Variants in NEMP2 observed in about 807,000 individuals in gnomAD.
NEMP2 encodes UPF0571 transmembrane protein.
A neutral mutation model predicts 54.2 loss-of-function variants in NEMP2; 53 were observed. The ratio of observed to expected loss-of-function variants is 0.98; its 90% confidence interval spans 0.78 to 1.23. NEMP2 has a LOEUF of 1.23. Among genes scored for constraint, NEMP2 ranks in the 50% most tolerant of loss-of-function variants. NEMP2 has a pLI of 0.00. For synonymous variants in NEMP2, 197 were observed against 190.3 expected, an observed-to-expected ratio of 1.04 and a Z score of -0.29; for missense variants, 455 against 511.3, an observed-to-expected ratio of 0.89 and a Z score of 1.06.
chr2:190,593,567 A>G, the NEMP2 span, among the ~76,000 whole-genome samples: 273 of 152,244 alleles, frequency 1.8e-3, no homozygotes, highest in African/African-American at 6.3e-3. The surrounding 1 kb of genome is among the most constrained non-coding windows in gnomAD (Gnocchi z 4.5). Context: ...TCATTTCCCA[A>G]TGGTCTGTGC....
chr2:190,438,041 A>AG, the NEMP2 span, among the ~76,000 whole-genome samples: 1 of 152,174 alleles, frequency 6.6e-6, no homozygotes, highest in South Asian at 2.1e-4. The surrounding 1 kb of genome is among the most constrained non-coding windows in gnomAD (Gnocchi z 5.2). Flanking sequence ...ATATCTAATA[A>AG]GACTGTGATG....
the NEMP2 span, among the ~76,000 whole-genome samples, chr2:190,540,890 T>C: frequency 6.6e-6 from 1 of 152,168 alleles, no homozygotes; most frequent in African/African-American, 2.4e-5. Flanking sequence ...TTTTTTATTA[T>C]GGCTTCACTC....
the NEMP2 span, among the ~76,000 whole-genome samples, chr2:190,569,909 A>C: frequency 2.0e-5 from 3 of 152,364 alleles, no homozygotes; most frequent in South Asian, 6.2e-4. Context: ...TATTTACAGC[A>C]GATTCCATTT....
In NEMP2 at chr2:190,516,323, T is replaced by G. The variant is rs1690553736; in HGVS notation, c.674A>C (p.Gln225Pro). The G allele has an allele frequency of 1.3e-6, 2 of 1,551,656 alleles. No homozygotes were observed. The highest frequency in any genetic ancestry group is 1.7e-6 in the Non-Finnish European group (2 of 1,146,942). ...CWFASVYIVCQLMEDLKWLWY... is the reference protein window; with the variant it reads ...CWFASVYIVCPLMEDLKWLWY... The stretch of plus-strand genomic sequence containing the variant: ...CAGCCACTTCAGATCTTCCATCAAC[T>G]GGCATACAATATAAACTGAGGCAAA... The change falls in exon 6 of 9, where the codon CAG (glutamine) becomes CCG (proline). Residue 225 changes from glutamine to proline, a missense_variant. Around this residue, in one of 3 missense-constraint regions of NEMP2, gnomAD observed 294 missense variants for 333.6 expected, o/e 0.88. Transcript: ENST00000409150.
chr2:190,528,736 G>A lies in NEMP2; in HGVS notation c.98-3358C>T, dbSNP rs1239942358. Among the ~76,000 whole-genome samples the A allele has an allele frequency of 6.6e-6, 1 of 152,134 alleles. No individual in the cohort carries two copies. The highest frequency in any genetic ancestry group is 1.5e-5 in the Non-Finnish European group (1 of 68,020). On this transcript the variant is annotated intron_variant, in intron 1 of 8. Coordinates refer to ENST00000409150, the MANE Select transcript of NEMP2 (RefSeq NM_001142645.2). The surrounding 1 kb of genome is among the most constrained non-coding windows in gnomAD (Gnocchi z 4.3). The stretch of plus-strand genomic sequence containing the variant: ...TAATGGTCTGAGGAAATAACCTTTT[G>A]GTGGGGCCTGAGTTTTGCAATCAAA...
chr2:190,582,328 G>A, the NEMP2 span, among the ~76,000 whole-genome samples: 68 of 152,240 alleles, frequency 4.5e-4, 1 homozygote, highest in African/African-American at 1.6e-3. This position sits in a 1 kb window ranked among gnomAD's most constrained non-coding sequence, Gnocchi z 4.6. Context: ...TTTTCCACCT[G>A]TATCCCTCTG....
the NEMP2 span, among the ~76,000 whole-genome samples, chr2:190,487,366 T>C: frequency 6.6e-6 from 1 of 152,072 alleles, no homozygotes; most frequent in African/African-American, 2.4e-5. This position sits in a 1 kb window ranked among gnomAD's most constrained non-coding sequence, Gnocchi z 5.5. Flanking sequence ...AACATAAAAA[T>C]TGTTATATCC....
the NEMP2 span, among the ~76,000 whole-genome samples, chr2:190,432,220 G>A: frequency 6.6e-6 from 1 of 152,176 alleles, no homozygotes; most frequent in East Asian, 1.9e-4. Context: ...ATTTTCTAGA[G>A]AAGAGGCTTT....
chr2:190,527,024 G>A lies in NEMP2; in HGVS notation c.98-1646C>T, dbSNP rs530766498. Among the ~76,000 whole-genome samples the A allele has an allele frequency of 3.9e-5, 6 of 152,158 alleles. No individual in the cohort carries two copies. The highest frequency in any genetic ancestry group is 6.5e-5 in the Admixed American group (1 of 15,282). ...TCGTTGCTGTATTTGGATTTGAAAT[G>A]AAGTGGAATGAAAGTCGTAAGTTCT... On this transcript the variant is annotated intron_variant, in intron 1 of 8. Coordinates refer to ENST00000409150, the MANE Select transcript of NEMP2 (RefSeq NM_001142645.2). This position sits in a 1 kb window ranked among gnomAD's most constrained non-coding sequence, Gnocchi z 4.0.
chr2:190,567,385 C>A, the NEMP2 span, among the ~76,000 whole-genome samples: 2 of 151,694 alleles, frequency 1.3e-5, no homozygotes, highest in Admixed American at 6.6e-5. The surrounding 1 kb of genome is among the most constrained non-coding windows in gnomAD (Gnocchi z 4.0). Context: ...AGAAAAGTTC[C>A]CAGAACTGAA....
At chr2:190,448,958 A>C in the NEMP2 span, among the ~76,000 whole-genome samples, 2 of 152,216 alleles carry the variant, frequency 1.3e-5, no homozygotes, top group Non-Finnish European at 2.9e-5. Context: ...GTATATGCAT[A>C]TGCATGTGTG....
the NEMP2 span, among the ~76,000 whole-genome samples, chr2:190,613,674 C>T: frequency 5.3e-5 from 8 of 152,038 alleles, no homozygotes; most frequent in Admixed American, 1.3e-4. Flanking sequence ...CTGCAACCTC[C>T]GCCTCCTGGG....
chr2:190,609,175 CAA>C, the NEMP2 span: 1 of 152,166 alleles, frequency 6.6e-6, no homozygotes, highest in East Asian at 1.9e-4. This position sits in a 1 kb window ranked among gnomAD's most constrained non-coding sequence, Gnocchi z 4.7. Flanking sequence ...CTCAAAATTA[CAA>C]AGTTTTCCAG....
the NEMP2 span, among the ~76,000 whole-genome samples, chr2:190,554,851 T>G: frequency 6.6e-6 from 1 of 152,176 alleles, no homozygotes; most frequent in Admixed American, 6.5e-5. This position sits in a 1 kb window ranked among gnomAD's most constrained non-coding sequence, Gnocchi z 5.7. Flanking sequence ...GACACCCAGG[T>G]ATCCTGACTG....
chr2:190,537,818 G>A (rs908842132), upstream of NEMP2, among the ~76,000 whole-genome samples: 1 of 152,072 alleles, frequency 6.6e-6, no homozygotes, highest in Non-Finnish European at 1.5e-5. Flanking sequence ...CAAAACTATG[G>A]GGAAAATGTC....
At chr2:190,621,493 T>C in the NEMP2 span, among the ~76,000 whole-genome samples, 1 of 152,218 alleles carries the variant, frequency 6.6e-6, no homozygotes, top group Non-Finnish European at 1.5e-5. Flanking sequence ...GAAGACATCC[T>C]ATGTTCATGG....
the NEMP2 span, among the ~76,000 whole-genome samples, chr2:190,545,815 A>C: frequency 6.6e-6 from 1 of 151,952 alleles, no homozygotes; most frequent in Non-Finnish European, 1.5e-5. Flanking sequence ...TTTTAAAGTC[A>C]GTTCTCCAGA....
the NEMP2 span, among the ~76,000 whole-genome samples, chr2:190,575,069 C>T: frequency 6.6e-6 from 1 of 151,950 alleles, no homozygotes; most frequent in Non-Finnish European, 1.5e-5. Context: ...GTTGGCCAGG[C>T]TGGTCTCGAA....
the NEMP2 span, among the ~76,000 whole-genome samples, chr2:190,445,791 CAG>C: frequency 1.4e-5 from 2 of 139,248 alleles, no homozygotes; most frequent in Non-Finnish European, 3.1e-5. Flanking sequence ...ACTTTGAAAT[CAG>C]ATTCATAACG....
Sources: gnomAD v4.1 joint callset for allele counts (sites outside exome capture counted in the v4.1 genomes callset) on GRCh38, gnomAD v4.1.1 for gene constraint, gnomAD v4.1.1 regional missense constraint, Gnocchi (gnomAD v3.1) non-coding constraint, MANE v1.5 for transcripts, NCBI Gene and HGNC (gene_info 2026-07-23, HGNC 2026-07-21) for gene names.